Variants in FOCAD observed in about 807,000 individuals in gnomAD.
The protein encoded by FOCAD is KIAA1797.
A neutral mutation model predicts 225.6 loss-of-function variants in FOCAD; 198 were observed. The observed-to-expected ratio is 0.88, with a 90% CI of 0.78 to 0.99. FOCAD has a LOEUF of 0.99. Among genes scored for constraint, FOCAD ranks in the 50% least tolerant of loss-of-function variants. The probability of loss-of-function intolerance (pLI) is 0.00; values close to 1 mark genes in which losing one functional copy is unlikely to be tolerated. For synonymous variants in FOCAD, 897 were observed against 755.0 expected (o/e 1.19, Z -3.08); for missense variants, 2,713 against 2,123.6 (o/e 1.28, Z -5.46).
At chr9:20,756,314 T>C (rs1829045389) in intron 5 of FOCAD, among the ~76,000 whole-genome samples, 1 of 152,086 alleles carries the variant, frequency 6.6e-6, no homozygotes, top group Non-Finnish European at 1.5e-5. Context: ...AAGAAATAGA[T>C]AGTGTTATAC....
intron 11 of FOCAD, among the ~76,000 whole-genome samples, chr9:20,792,429 A>G (rs185069421): frequency 1.1e-4 from 16 of 152,326 alleles, no homozygotes; most frequent in African/African-American, 3.8e-4. Context: ...AAACTCATAA[A>G]TTTGATTTTA....
intron 4 of FOCAD, among the ~76,000 whole-genome samples, chr9:20,727,066 T>A (rs1826255929): frequency 6.6e-6 from 1 of 152,166 alleles, no homozygotes; most frequent in Admixed American, 6.6e-5. Flanking sequence ...ATTTAACTTT[T>A]AGTAGAGAGT....
At chr9:20,856,960 T>C (rs781157499) in intron 15 of FOCAD, among the ~76,000 whole-genome samples, 1 of 148,576 alleles carries the variant, frequency 6.7e-6, no homozygotes, top group African/African-American at 2.5e-5. Flanking sequence ...TCTGTTTTTA[T>C]GCCAATACCA....
intron 8 of FOCAD, among the ~76,000 whole-genome samples, chr9:20,775,668 A>G (rs1186967580): frequency 6.6e-6 from 1 of 152,096 alleles, no homozygotes; most frequent in East Asian, 1.9e-4. Context: ...GAGAAAAGGG[A>G]CTATTTTGTC....
chr9:20,777,547 G>A (rs879883867), intron 8 of FOCAD, among the ~76,000 whole-genome samples: 2 of 151,400 alleles, frequency 1.3e-5, no homozygotes, highest in Non-Finnish European at 2.9e-5. Flanking sequence ...GAACTTAATG[G>A]TTTTCCATTT....
intron 23 of FOCAD, among the ~76,000 whole-genome samples, chr9:20,913,284 A>G (rs527544994): frequency 6.6e-6 from 1 of 150,880 alleles, no homozygotes; most frequent in South Asian, 2.1e-4. Flanking sequence ...TTTTTTTCCC[A>G]CTCTGTTCAT....
chr9:20,857,226 A>T (rs1472151079), intron 15 of FOCAD, among the ~76,000 whole-genome samples: 1 of 152,092 alleles, frequency 6.6e-6, no homozygotes, highest in African/African-American at 2.4e-5. Flanking sequence ...ATGAACATGG[A>T]ATATCTTTCA....
At chr9:20,690,215 T>A (rs1822892796) in intron 1 of FOCAD, among the ~76,000 whole-genome samples, 1 of 152,210 alleles carries the variant, frequency 6.6e-6, no homozygotes. Context: ...GCGCCTCACT[T>A]ATGCACTAGG....
At chr9:20,920,028 C>G (rs1210967126) in intron 24 of FOCAD, among the ~76,000 whole-genome samples, 1 of 152,024 alleles carries the variant, frequency 6.6e-6, no homozygotes, top group African/African-American at 2.4e-5. Flanking sequence ...AACAGGCAAC[C>G]TACAAAATGG....
At chr9:20,853,162 T>C (rs1278372767) in intron 15 of FOCAD, among the ~76,000 whole-genome samples, 2 of 151,770 alleles carry the variant, frequency 1.3e-5, no homozygotes, top group African/African-American at 4.8e-5. Flanking sequence ...AAAGTGAATG[T>C]CCCTATAGGG....
intron 11 of FOCAD, among the ~76,000 whole-genome samples, chr9:20,813,187 T>C (rs1823273618): frequency 6.6e-6 from 1 of 152,150 alleles, no homozygotes; most frequent in South Asian, 2.1e-4. Flanking sequence ...TAGTATATGA[T>C]AGAATTTTTC....
intron 21 of FOCAD, among the ~76,000 whole-genome samples, chr9:20,888,059 T>A (rs1160502291): frequency 6.6e-6 from 1 of 151,732 alleles, no homozygotes; most frequent in African/African-American, 2.4e-5. Context: ...CAAAAGAGTG[T>A]TCTTTATATA....
intron 1 of FOCAD, among the ~76,000 whole-genome samples, chr9:20,704,577 GA>G (rs2131428261): frequency 6.6e-6 from 1 of 152,264 alleles, no homozygotes; most frequent in Non-Finnish European, 1.5e-5. Flanking sequence ...TTTTCTCCTT[GA>G]AAATGAAGGA....
chr9:20,728,834 A>AT (rs1231242191), intron 4 of FOCAD, among the ~76,000 whole-genome samples: 1 of 152,128 alleles, frequency 6.6e-6, no homozygotes, highest in African/African-American at 2.4e-5. Context: ...AAATGGATTA[A>AT]TTTTTTTGAT....
chr9:20,752,001 G>T (rs867492521), intron 5 of FOCAD, among the ~76,000 whole-genome samples: 31 of 144,772 alleles, frequency 2.1e-4, no homozygotes, highest in Middle Eastern at 6.9e-3. Context: ...TTTTTGATGG[G>T]GTTGTTTGTT....
At chr9:20,799,426 T>C (rs1278039594) in intron 11 of FOCAD, among the ~76,000 whole-genome samples, 1 of 152,216 alleles carries the variant, frequency 6.6e-6, no homozygotes, top group Non-Finnish European at 1.5e-5. Context: ...CTCGTTGATC[T>C]GTCTAATGTT....
chr9:20,811,356 A>G (rs1391789454), intron 11 of FOCAD, among the ~76,000 whole-genome samples: 1 of 152,102 alleles, frequency 6.6e-6, no homozygotes, highest in Non-Finnish European at 1.5e-5. Context: ...CAAAGTGCTT[A>G]ACAGAATGTT....
intron 6 of FOCAD, among the ~76,000 whole-genome samples, chr9:20,760,095 C>T (rs1371909126): frequency 6.6e-6 from 1 of 152,174 alleles, no homozygotes; most frequent in Non-Finnish European, 1.5e-5. Context: ...GTGTCTCTGC[C>T]TCCAGTCTTG....
chr9:20,748,677 A>G (rs1237071040), intron 5 of FOCAD, among the ~76,000 whole-genome samples: 1 of 152,106 alleles, frequency 6.6e-6, no homozygotes, highest in Non-Finnish European at 1.5e-5. Flanking sequence ...TTCAAGGGCC[A>G]TCTGTCTCTT....
Sources: allele counts gnomAD v4.1 joint callset (sites outside exome capture counted in the v4.1 genomes callset), GRCh38; gene constraint gnomAD v4.1.1; transcripts MANE v1.5; gene names NCBI Gene and HGNC (gene_info 2026-07-23, HGNC 2026-07-21).